STK10: variants seen among roughly 807,000 people sequenced by gnomAD.
STK10 encodes the protein serine/threonine kinase 10, also known as serine/threonine-protein kinase 10.
STK10 carries 78 observed loss-of-function variants against 113.8 expected under a neutral mutation model. The observed-to-expected ratio is 0.69, with a 90% confidence interval of 0.57 to 0.83. The LOEUF is 0.83. Ranked by LOEUF, STK10 falls within the 40% of genes least tolerant of loss-of-function variation. The pLI is 0.00. For synonymous variants in STK10, 465 were observed against 494.7 expected, an observed-to-expected ratio of 0.94 and a Z score of 0.80; for missense variants, 1,109 against 1,280.1, an observed-to-expected ratio of 0.87 and a Z score of 2.04.
At chr5:172,142,031 G>GA (rs1402922210) in intron 2 of STK10, among the ~76,000 whole-genome samples, 3 of 152,106 alleles carry the variant, frequency 2.0e-5, no homozygotes, top group Admixed American at 6.5e-5. Flanking sequence ...ATACAGCAGT[G>GA]AAAAAACAGT....
At chr5:172,158,060 G>A (rs1427232285) in intron 1 of STK10, among the ~76,000 whole-genome samples, 1 of 152,110 alleles carries the variant, frequency 6.6e-6, no homozygotes, top group Non-Finnish European at 1.5e-5. Flanking sequence ...CTTATGTGAG[G>A]AATAAGAGGG....
rs1767406187 is a variant in STK10, at chr5:172,042,776, G to A, written c.*2106C>T. ...CCCATCTGGGTCAAATTCTGCAGCA[G>A]GCAAGCTAAATGCTCACTAACCTGA... On this transcript the variant is annotated 3_prime_UTR_variant, in exon 19 of 19. Transcript: ENST00000176763. 6.6e-6 allele frequency: 1 copy of A among 152,218 alleles called. No individual in the cohort carries two copies. Among genetic ancestry groups the A allele is most frequent in the Non-Finnish European group, 1.5e-5 (1 of 68,052 alleles). 9.4% of individuals were successfully genotyped at this position (152,218 alleles called of 1,614,324 possible).
rs549387682 is a variant in STK10 at position 172,142,894 on chromosome 5, G to C, written c.321+13730C>G. 3.9e-5 allele frequency among the ~76,000 whole-genome samples: 6 copies of C among 152,280 alleles called. No individual in the cohort carries two copies. The East Asian group carries it at 9.7e-4, about 24-fold the overall frequency. On this transcript the variant is annotated intron_variant, in intron 2 of 18. Coordinates refer to ENST00000176763, the MANE Select transcript of STK10 (RefSeq NM_005990.4). ...CTGGGTCACAGCCCCTGGGTGGGTG[G>C]GGGGAAAGGCCCCTCTGCTTCTTTG...
At position 172,061,257 on chromosome 5, in the gene STK10, A is replaced by T; in HGVS notation, c.2094T>A (p.Phe698Leu). The T allele has an allele frequency of 6.2e-7, 1 of 1,612,118 alleles. No homozygotes were observed. Among genetic ancestry groups the T allele is most frequent in the Non-Finnish European group, 8.5e-7 (1 of 1,179,694 alleles). Reference protein sequence around the residue: ...TQKKQLLDRDFVAKQKEDLEL... With the variant: ...TQKKQLLDRDLVAKQKEDLEL... The stretch of plus-strand genomic sequence containing the variant: ...CCAGGTCCTCCTTCTGCTTGGCTAC[A>T]AAGTCCCGGTCCTGTGGGGAGAGAG... The change falls in exon 14 of 19, where the codon TTT (phenylalanine) becomes TTA (leucine). Residue 698 changes from phenylalanine to leucine, a missense_variant. Physicochemically the swap from Phe to Leu is conservative, Grantham distance 22. Around this residue, in one of 5 missense-constraint regions of STK10, gnomAD observed 885 missense variants for 991.1 expected, o/e 0.89. Coordinates refer to ENST00000176763, the MANE Select transcript of STK10 (RefSeq NM_005990.4).
At chr5:172,179,941 C>T (rs1770821747) in intron 1 of STK10, among the ~76,000 whole-genome samples, 1 of 152,102 alleles carries the variant, frequency 6.6e-6, no homozygotes, top group South Asian at 2.1e-4. Flanking sequence ...CTCAACCAGG[C>T]AGGGAGGGCA....
chr5:172,175,402 G>C, intron 1 of STK10, among the ~76,000 whole-genome samples: 1 of 152,082 alleles, frequency 6.6e-6, no homozygotes, highest in South Asian at 2.1e-4. Context: ...AGGGAGAAGG[G>C]AGAAGGAAGC....
intron 2 of STK10, among the ~76,000 whole-genome samples, chr5:172,150,063 A>AG (rs1168998146): frequency 2.0e-5 from 3 of 149,636 alleles, no homozygotes; most frequent in African/African-American, 4.9e-5. Context: ...AAAAAAAAAA[A>AG]AAAAGAAAGA....
intron 2 of STK10, among the ~76,000 whole-genome samples, chr5:172,129,717 A>G (rs1222073338): frequency 6.6e-6 from 1 of 152,302 alleles, no homozygotes; most frequent in Non-Finnish European, 1.5e-5. Flanking sequence ...CAGCTCCACG[A>G]AAGAGGAAGA....
intron 12 of STK10, among the ~76,000 whole-genome samples, chr5:172,075,090 A>T (rs1768280242): frequency 6.8e-6 from 1 of 146,788 alleles, no homozygotes; most frequent in African/African-American, 2.5e-5. Flanking sequence ...CTGAGGTGGG[A>T]GCCCAGGAAT....
chr5:172,076,146 TCC>T (rs1768300096), intron 12 of STK10, among the ~76,000 whole-genome samples: 1 of 150,646 alleles, frequency 6.6e-6, no homozygotes. Flanking sequence ...GTGGGGGCTG[TCC>T]TGTGCATTTG....
chr5:172,055,744 G>C lies in STK10; in HGVS notation c.2370C>G (p.Arg790=). ...EREQMQRYNQ[R]MIEQLKVRQQ... ...GCCGCACCTTCAGCTGCTCTATCAT[G>C]CGCTGGTTGTAGCGCTGCATCTGCT... Residue 790 remains arginine, a synonymous_variant, in exon 16 of 19, where the codon CGC becomes CGG. Transcript: ENST00000176763. 1 of 1,554,584 alleles carries C rather than the reference G, an allele frequency of 6.4e-7. No homozygotes were observed. Among genetic ancestry groups the C allele is most frequent in the African/African-American group, 1.4e-5 (1 of 72,908 alleles).
At chr5:172,183,922 G>A (rs1278599155) in intron 1 of STK10, among the ~76,000 whole-genome samples, 3 of 152,072 alleles carry the variant, frequency 2.0e-5, no homozygotes, top group African/African-American at 4.8e-5. Flanking sequence ...TTATCAGGGA[G>A]AGGAGGAAAA....
chr5:172,125,019 C>T (rs1359245094), intron 3 of STK10, among the ~76,000 whole-genome samples: 1 of 152,068 alleles, frequency 6.6e-6, no homozygotes, highest in Non-Finnish European at 1.5e-5. Context: ...TCCTTTTATG[C>T]GTTTGTTGCA....
chr5:172,126,136 C>A (rs1386366674), intron 3 of STK10, among the ~76,000 whole-genome samples: 1 of 152,212 alleles, frequency 6.6e-6, no homozygotes, highest in African/African-American at 2.4e-5. Flanking sequence ...AGCCTCTCTG[C>A]ACTCACTGCC....
In STK10 at chr5:172,128,906, C is replaced by T. The variant is rs531630340; in HGVS notation, c.322-1485G>A. On this transcript the variant is annotated intron_variant, in intron 2 of 18. Transcript: ENST00000176763. ...GAGCAGCCTCAGGAATTTGATGAAGCCTCCAGTTTGTGGCTTACCTTCCAG... is the reference window on the plus strand; with the variant it reads ...GAGCAGCCTCAGGAATTTGATGAAGTCTCCAGTTTGTGGCTTACCTTCCAG... Among the ~76,000 whole-genome samples the T allele has an allele frequency of 2.0e-5, 3 of 152,326 alleles. 1 individual carries two copies. The highest frequency in any genetic ancestry group is 7.2e-5 in the African/African-American group (3 of 41,576).
chr5:172,099,044 TCAC>T (rs1348855055), intron 7 of STK10, among the ~76,000 whole-genome samples: 1 of 150,272 alleles, frequency 6.7e-6, no homozygotes, highest in Admixed American at 6.6e-5. Context: ...TTCACCACCA[TCAC>T]CACCATCATT....
At chr5:172,075,032 T>A (rs1214911941) in intron 12 of STK10, among the ~76,000 whole-genome samples, 3 of 149,884 alleles carry the variant, frequency 2.0e-5, no homozygotes, top group Middle Eastern at 3.4e-3. Context: ...AAAAAAAAAA[T>A]TAGCTGAGTG....
At chr5:172,076,025 G>T (rs1296214733) in intron 12 of STK10, among the ~76,000 whole-genome samples, 1 of 152,046 alleles carries the variant, frequency 6.6e-6, no homozygotes, top group Admixed American at 6.5e-5. Context: ...TTTTTTCATG[G>T]TCTTAGATTT....
intron 12 of STK10, among the ~76,000 whole-genome samples, chr5:172,079,537 A>C (rs186683688): frequency 6.7e-6 from 1 of 149,542 alleles, no homozygotes; most frequent in Non-Finnish European, 1.5e-5. Context: ...AATTAATAGA[A>C]TATATACATA....
Sources: gnomAD v4.1 joint callset for allele counts (sites outside exome capture counted in the v4.1 genomes callset) on GRCh38, gnomAD v4.1.1 for gene constraint, gnomAD v4.1.1 regional missense constraint, MANE v1.5 for transcripts, NCBI Gene and HGNC (gene_info 2026-07-23, HGNC 2026-07-21) for gene names.